Variants in TASOR2 observed in about 807,000 individuals in gnomAD.
The protein encoded by TASOR2 is transcription activation suppressor family member 2, also known as protein TASOR 2.
TASOR2 carries 84 observed loss-of-function variants against 199.5 expected under a neutral mutation model. That is an observed-to-expected ratio of 0.42 (90% CI 0.35 to 0.50). The LOEUF (loss-of-function observed/expected upper bound fraction) is 0.50, where lower values mean the gene tolerates loss of function less well. Among genes scored for constraint, TASOR2 ranks in the 20% least tolerant of loss-of-function variants. The pLI is 0.02. For synonymous variants in TASOR2, 1,103 were observed against 1,046.6 expected (o/e 1.05, Z -1.04); for missense variants, 2,796 against 2,835.9 (o/e 0.99, Z 0.32).
intron 10 of TASOR2, among the ~76,000 whole-genome samples, chr10:5,727,767 C>G (rs1052704147): frequency 1.3e-5 from 2 of 152,154 alleles, no homozygotes; most frequent in African/African-American, 4.8e-5. Flanking sequence ...CGTCAACACT[C>G]TTTGCTCACC....
At chr10:5,712,783 T>G in intron 1 of TASOR2, 40 bp from the exon 2 acceptor site, 1 of 1,040,918 alleles carries the variant, frequency 9.6e-7, no homozygotes, top group Non-Finnish European at 1.2e-6. Flanking sequence ...CAAAATAGTA[T>G]GTTTATAGCG....
rs1245185364 is a variant in TASOR2, at chr10:5,701,790, G to A, written c.-287-11033G>A. On this transcript the variant is annotated intron_variant, in intron 1 of 20. Coordinates refer to ENST00000328090, the Ensembl canonical transcript of TASOR2. This position sits in a 1 kb window ranked among gnomAD's most constrained non-coding sequence, Gnocchi z 4.9. Reference sequence around the variant, plus strand: ...GCAGTTGGTGTATACCAACGCTACCGATTTTTGTATGTTGATTTTGTATCC... The same window carrying A: ...GCAGTTGGTGTATACCAACGCTACCAATTTTTGTATGTTGATTTTGTATCC... Among the ~76,000 whole-genome samples, 3 of 152,220 alleles carry A rather than the reference G, an allele frequency of 2.0e-5. No homozygotes were observed. The highest frequency in any genetic ancestry group is 4.1e-4 in the South Asian group (2 of 4,832).
chr10:5,758,758 T>A, intron 17 of TASOR2, 129 bp from the exon 19 acceptor site: 1 of 654,294 alleles, frequency 1.5e-6, no homozygotes, highest in Non-Finnish European at 2.6e-6. Context: ...GTGACAGTGA[T>A]GGTGTGTACT....
chr10:5,738,129 G>A lies in TASOR2; in HGVS notation c.1448-1489G>A, dbSNP rs183539216. ...GAATCAAATGATAATTTTGAAGTCA[G>A]ACAGTCCTTTTGTTAATGAAACATG... On this transcript the variant is annotated intron_variant, in intron 12 of 20. Coordinates refer to ENST00000328090, the Ensembl canonical transcript of TASOR2. The surrounding 1 kb of genome is among the most constrained non-coding windows in gnomAD (Gnocchi z 4.7). Among the ~76,000 whole-genome samples, 503 of 144,902 alleles carry A rather than the reference G, an allele frequency of 3.5e-3. 6 individuals are homozygous for A. Among genetic ancestry groups the A allele is most frequent in the African/African-American group, 0.012 (463 of 39,938 alleles).
At chr10:5,727,961 C>T (rs1834267086) in intron 10 of TASOR2, among the ~76,000 whole-genome samples, 2 of 152,088 alleles carry the variant, frequency 1.3e-5, no homozygotes, top group South Asian at 2.1e-4. Flanking sequence ...GCAGCTCACA[C>T]CTGTAATCCC....
In TASOR2 at chr10:5,718,761, C is replaced by CA. The variant is rs35051277; in HGVS notation, c.-100+1028dup. On this transcript the variant is annotated intron_variant, in intron 3 of 20. Transcript: ENST00000328090. Reference sequence around the variant, plus strand: ...GTAACAAGAACAAAAAACTCTGTCTCAAAAAAAAAAAAAAAAAGTGGTGGG... The same window carrying CA: ...GTAACAAGAACAAAAAACTCTGTCTCAAAAAAAAAAAAAAAAAAGTGGTGGG... Among the ~76,000 whole-genome samples, 5,827 of 134,574 alleles carry CA rather than the reference C, an allele frequency of 0.043. 591 individuals are homozygous for CA. The East Asian group carries it at 0.43, about 10-fold the overall frequency. The allele number at this position is 134,574 out of a possible 152,430, so 88.3% of individuals were successfully genotyped here.
rs773455771 is a variant in TASOR2, at chr10:5,746,624, G to A, written c.3203G>A (p.Gly1068Asp). 5 of 1,614,132 alleles carry A rather than the reference G, an allele frequency of 3.1e-6. No individual in the cohort carries two copies. The South Asian group carries it at 5.5e-5, about 18-fold the overall frequency. ...GCACATGTACCAATACAGACAGAAG[G>A]TGTAAATACTGCTGATGAACGTACA... The change falls in exon 15 of 21, where the codon GGT (glycine) becomes GAT (aspartate). Residue 1068 changes from glycine (G) to aspartate (D), a missense_variant. This residue lies in a region of TASOR2 where 1,941 missense variants were observed against 1,924.9 expected (regional missense o/e 1.01). Transcript: ENST00000328090.
At chr10:5,756,144 G>A (rs1299361758) in intron 15 of TASOR2, among the ~76,000 whole-genome samples, 3 of 152,252 alleles carry the variant, frequency 2.0e-5, no homozygotes, top group East Asian at 3.9e-4. Flanking sequence ...CCGTACAATC[G>A]CATGCTGTTT....
Position 5,748,923 on chromosome 10 carries a change from G to C in TASOR2, c.5502G>C (p.Leu1834=). 2 of 1,614,124 alleles carry C rather than the reference G, an allele frequency of 1.2e-6. No individual in the cohort carries two copies. Among genetic ancestry groups the C allele is most frequent in the Non-Finnish European group, 1.7e-6 (2 of 1,180,028 alleles). ...TCTCTGGAGATTCTGATCTAGACCTGCTTGGTGATTGTAGAAATCCCAGAC... is the reference window on the plus strand; with the variant it reads ...TCTCTGGAGATTCTGATCTAGACCTCCTTGGTGATTGTAGAAATCCCAGAC... Residue 1834 remains leucine, a synonymous_variant, in exon 15 of 21, where the codon CTG becomes CTC. Transcript: ENST00000328090. The surrounding 1 kb of genome is among the most constrained non-coding windows in gnomAD (Gnocchi z 5.1).
chr10:5,698,686 A>G lies in TASOR2; in HGVS notation c.-288+13511A>G, dbSNP rs964398166. 6.6e-6 allele frequency among the ~76,000 whole-genome samples: 1 copy of G among 152,140 alleles called. No homozygotes were observed. The highest frequency in any genetic ancestry group is 2.4e-5 in the African/African-American group (1 of 41,440). On this transcript the variant is annotated intron_variant, in intron 1 of 20. Coordinates refer to ENST00000328090, the Ensembl canonical transcript of TASOR2. This position sits in a 1 kb window ranked among gnomAD's most constrained non-coding sequence, Gnocchi z 4.4. The stretch of plus-strand genomic sequence containing the variant: ...TGTGGTTCATAATCCTAAAGTATTT[A>G]TTTTCTGACCCTTTATGAAAAAGTT...
At chr10:5,762,216 T>C (rs1044143086) in intron 19 of TASOR2, among the ~76,000 whole-genome samples, 25 of 76,298 alleles carry the variant, frequency 3.3e-4, no homozygotes, top group Non-Finnish European at 5.4e-4. Flanking sequence ...ACCACTGCAC[T>C]GTAACCTGGG....
intron 17 of TASOR2, among the ~76,000 whole-genome samples, chr10:5,758,645 A>C (rs745608291): frequency 6.6e-6 from 1 of 152,074 alleles, no homozygotes; most frequent in Non-Finnish European, 1.5e-5. Context: ...GCTGGTGACC[A>C]CTCCACTGTG....
At position 5,722,709 on chromosome 10, in the gene TASOR2, T is replaced by A. The variant is rs1833531413; in HGVS notation, c.147-968T>A. On this transcript the variant is annotated intron_variant, in intron 6 of 20. Transcript: ENST00000328090. This position sits in a 1 kb window ranked among gnomAD's most constrained non-coding sequence, Gnocchi z 4.0. ...TGTAAAAGCATTTTAAAATGAGTTTTTAAAAAGGAAACAGAGTGCCGGGCA... is the reference window on the plus strand; with the variant it reads ...TGTAAAAGCATTTTAAAATGAGTTTATAAAAAGGAAACAGAGTGCCGGGCA... Among the ~76,000 whole-genome samples the A allele has an allele frequency of 1.3e-5, 2 of 152,048 alleles. No individual in the cohort carries two copies. The highest frequency in any genetic ancestry group is 4.8e-5 in the African/African-American group (2 of 41,422).
At chr10:5,721,270 A>G (rs1335678949) in intron 6 of TASOR2, among the ~76,000 whole-genome samples, 1 of 152,204 alleles carries the variant, frequency 6.6e-6, no homozygotes, top group Non-Finnish European at 1.5e-5. Flanking sequence ...GATTATAGCC[A>G]CTTAATCGTA....
intron 17 of TASOR2, among the ~76,000 whole-genome samples, chr10:5,758,564 C>T (rs541397840): frequency 6.6e-6 from 1 of 152,180 alleles, no homozygotes; most frequent in Non-Finnish European, 1.5e-5. Flanking sequence ...TATTTAGAAA[C>T]TTCATTTCTC....
intron 2 of TASOR2, chr10:5,714,502 G>A (rs866171985): frequency 4.1e-6 from 1 of 243,302 alleles, no homozygotes; most frequent in African/African-American, 2.2e-5. Flanking sequence ...TGGAATGTGA[G>A]GGGTAAGAGA....
intron 1 of TASOR2, among the ~76,000 whole-genome samples, chr10:5,703,475 A>G (rs1838157797): frequency 7.4e-6 from 1 of 134,296 alleles, no homozygotes; most frequent in Admixed American, 7.3e-5. Flanking sequence ...TTTATATTTT[A>G]TATATATTGC....
chr10:5,724,886 C>T (rs1276284128), intron 8 of TASOR2, among the ~76,000 whole-genome samples: 4 of 151,668 alleles, frequency 2.6e-5, no homozygotes, highest in Non-Finnish European at 5.9e-5. Flanking sequence ...ATAAATTAGG[C>T]ACAGTAAGAG....
At chr10:5,757,824 C>G in intron 17 of TASOR2, 151 bp downstream of exon 18, 2 of 744,330 alleles carry the variant, frequency 2.7e-6, no homozygotes, top group Non-Finnish European at 4.4e-6. Context: ...CTGCTGTGCT[C>G]TTTTCATACA....
Sources: gnomAD v4.1 joint callset for allele counts (sites outside exome capture counted in the v4.1 genomes callset) on GRCh38, gnomAD v4.1.1 for gene constraint, gnomAD v4.1.1 regional missense constraint, Gnocchi (gnomAD v3.1) non-coding constraint, MANE v1.5 for transcripts, NCBI Gene and HGNC (gene_info 2026-07-23, HGNC 2026-07-21) for gene names.